The following CLMN variants were observed in gnomAD, a reference collection of about 807,000 sequenced individuals.
CLMN encodes calmin.
In CLMN, 57 loss-of-function variants were observed where a neutral mutation model predicts 92.7. That is an observed-to-expected ratio of 0.61 (90% CI 0.50 to 0.77). The LOEUF is 0.77. CLMN is among the 30% of genes least tolerant of loss of function. The probability of loss-of-function intolerance (pLI) is 0.00; values close to 1 mark genes in which losing one functional copy is unlikely to be tolerated. For missense variants in CLMN, 1,158 were observed against 1,237.5 expected (o/e 0.94, Z 0.96); for synonymous variants, 466 against 470.6 (o/e 0.99, Z 0.13).
In CLMN at chr14:95,250,410, T is replaced by C. The variant is rs564870759; in HGVS notation, c.83-20277A>G. 2.6e-5 allele frequency among the ~76,000 whole-genome samples: 4 copies of C among 152,380 alleles called. No individual in the cohort carries two copies. The East Asian group carries it at 7.7e-4, about 29-fold the overall frequency. On this transcript the variant is annotated intron_variant, in intron 1 of 12. Transcript: ENST00000298912. ...CAGTAATAAGCATTTTATGCATAAA[T>C]GCCTGTGGGTACTTGCAATTCTATA...
chr14:95,262,069 C>T (rs1196874287), intron 1 of CLMN, among the ~76,000 whole-genome samples: 2 of 152,264 alleles, frequency 1.3e-5, no homozygotes, highest in East Asian at 3.8e-4. Context: ...GCCTGTATTC[C>T]CAAATGCTCC....
intron 1 of CLMN, among the ~76,000 whole-genome samples, chr14:95,237,819 C>T (rs894359186): frequency 3.3e-5 from 5 of 152,172 alleles, no homozygotes; most frequent in African/African-American, 1.2e-4. Context: ...CTTGCTCATT[C>T]TTGGTCTGAG....
chr14:95,190,293 G>A lies in CLMN; in HGVS notation c.*1271C>T, dbSNP rs537916075. ...GACAGCTCTGGACAGGGCATCAGGT[G>A]CCTGTGTGCTCACTGCAAGTCTGCC... is the stretch of plus-strand genomic sequence containing the variant. On this transcript the variant is annotated 3_prime_UTR_variant, in exon 13 of 13. Transcript: ENST00000298912. 1.0e-4 allele frequency: 16 copies of A among 152,392 alleles called. No homozygotes were observed. The highest frequency in any genetic ancestry group is 3.8e-4 in the African/African-American group (16 of 41,580). 9.4% of individuals were successfully genotyped at this position (152,392 alleles called of 1,614,324 possible).
chr14:95,267,516 C>T (rs1899520810), intron 1 of CLMN, among the ~76,000 whole-genome samples: 1 of 152,150 alleles, frequency 6.6e-6, no homozygotes, highest in African/African-American at 2.4e-5. Context: ...TGGCTCTTAA[C>T]CAAAAGACAG....
At chr14:95,201,204 TTTTA>T (rs1230200131) in intron 9 of CLMN, among the ~76,000 whole-genome samples, 2 of 151,680 alleles carry the variant, frequency 1.3e-5, no homozygotes, top group African/African-American at 4.8e-5. Context: ...GTTTTTCAAC[TTTTA>T]TTTTAGATTT....
In CLMN at chr14:95,267,152, G is replaced by A. The variant is rs527914008; in HGVS notation, c.83-37019C>T. The stretch of plus-strand genomic sequence containing the variant: ...TTGAAAAAGACCTTAAAAGAACAGG[G>A]AACAAAAGAAAAAATAGACAATTGG... On this transcript the variant is annotated intron_variant, in intron 1 of 12. Coordinates refer to ENST00000298912, the MANE Select transcript of CLMN (RefSeq NM_024734.4). Among the ~76,000 whole-genome samples the A allele has an allele frequency of 1.2e-4, 18 of 151,998 alleles. No homozygotes were observed. In the South Asian group the frequency reaches 3.7e-3, roughly 32 times the overall value.
At position 95,182,869 on chromosome 14, in the gene CLMN, T is replaced by A. The variant is rs1896360104; in HGVS notation, c.*8695A>T. The A allele has an allele frequency of 6.6e-6, 1 of 152,190 alleles. No individual in the cohort carries two copies. The allele number at this position is 152,190 out of a possible 1,614,324, so 9.4% of individuals were successfully genotyped here. ...CTTCTAACAGCCCTAGGAAGCAGAT[T>A]TCCCAGGTTCTACTTCAAACATTCA... is the stretch of plus-strand genomic sequence containing the variant. On this transcript the variant is annotated 3_prime_UTR_variant, in exon 13 of 13. Transcript: ENST00000298912.
rs376435146 is a variant in CLMN, at chr14:95,224,636, G to A, written c.145-781C>T. 1.1e-4 allele frequency among the ~76,000 whole-genome samples: 16 copies of A among 152,270 alleles called. No homozygotes were observed. In the East Asian group the frequency reaches 1.2e-3, roughly 11 times the overall value. On this transcript the variant is annotated intron_variant, in intron 2 of 12. Transcript: ENST00000298912. ...GGCTCAAAGAGGATGAGTGATAGTC[G>A]CAGCATTTGGTCAAGCTAGCTGTTT...
intron 1 of CLMN, among the ~76,000 whole-genome samples, chr14:95,271,919 T>C (rs1899725740): frequency 6.6e-6 from 1 of 152,248 alleles, no homozygotes; most frequent in African/African-American, 2.4e-5. Context: ...ACACAGTTTG[T>C]GCCTGTCGGT....
intron 1 of CLMN, among the ~76,000 whole-genome samples, chr14:95,231,842 A>C (rs1017974627): frequency 4.6e-5 from 7 of 152,184 alleles, no homozygotes; most frequent in Non-Finnish European, 1.0e-4. Context: ...TTTAAAAAAA[A>C]GTACCAAGCA....
intron 1 of CLMN, among the ~76,000 whole-genome samples, chr14:95,282,989 G>A (rs548255483): frequency 6.6e-6 from 1 of 152,364 alleles, no homozygotes; most frequent in South Asian, 2.1e-4. Flanking sequence ...GGGCAGTCGG[G>A]CTGGAGCAGA....
At chr14:95,257,388 G>A (rs146225453) in intron 1 of CLMN, among the ~76,000 whole-genome samples, 14 of 152,286 alleles carry the variant, frequency 9.2e-5, no homozygotes, top group South Asian at 4.2e-4. Flanking sequence ...AAATGAAGGT[G>A]TCTATTCATT....
chr14:95,274,729 C>T (rs1416837894), intron 1 of CLMN, among the ~76,000 whole-genome samples: 1 of 152,138 alleles, frequency 6.6e-6, no homozygotes, highest in Non-Finnish European at 1.5e-5. Context: ...GCCTGTAATC[C>T]CAGCACTTTG....
chr14:95,205,534 G>T (rs1187614), intron 8 of CLMN, among the ~76,000 whole-genome samples: 43,400 of 152,044 alleles, frequency 0.29, 7,755 homozygotes, highest in African/African-American at 0.5. Flanking sequence ...ATGGTCAATA[G>T]AAAAGACTAC....
chr14:95,304,607 G>C (rs1461970384), intron 1 of CLMN, among the ~76,000 whole-genome samples: 1 of 151,910 alleles, frequency 6.6e-6, no homozygotes, highest in Non-Finnish European at 1.5e-5. Flanking sequence ...CTCTGAAGAG[G>C]TTAAAAATAC....
intron 4 of CLMN, among the ~76,000 whole-genome samples, chr14:95,220,167 C>A (rs61977678): frequency 6.9e-5 from 7 of 101,280 alleles, no homozygotes; most frequent in Non-Finnish European, 1.5e-4. Context: ...ATGGATAGGT[C>A]CCTTTTTTTT....
chr14:95,245,192 ATAATATATATATATAT>A (rs1566890725), intron 1 of CLMN, among the ~76,000 whole-genome samples: 30 of 38,106 alleles, frequency 7.9e-4, no homozygotes, highest in Non-Finnish European at 1.1e-3. Flanking sequence ...ATATATATAT[ATAATATATATATATAT>A]TATATATATA....
intron 1 of CLMN, among the ~76,000 whole-genome samples, chr14:95,276,014 C>T (rs148826791): frequency 1.1e-3 from 169 of 152,290 alleles, no homozygotes; most frequent in African/African-American, 3.8e-3. Context: ...AGTGAACTCA[C>T]CCTGAAGTCT....
intron 1 of CLMN, among the ~76,000 whole-genome samples, chr14:95,287,800 C>T (rs551656028): frequency 2.0e-5 from 3 of 152,214 alleles, no homozygotes; most frequent in Non-Finnish European, 2.9e-5. Flanking sequence ...CCAAGGTCAT[C>T]AGCCTCTCTC....
Sources: allele counts gnomAD v4.1 joint callset (sites outside exome capture counted in the v4.1 genomes callset), GRCh38; gene constraint gnomAD v4.1.1; transcripts MANE v1.5; gene names NCBI Gene and HGNC (gene_info 2026-07-23, HGNC 2026-07-21).